ITGA6: variants seen among roughly 807,000 people sequenced by gnomAD.
ITGA6 encodes the protein integrin alpha-6.
In ITGA6, 63 loss-of-function variants were observed where a neutral mutation model predicts 133.6. The observed-to-expected ratio is 0.47, with a 90% CI of 0.38 to 0.58. The LOEUF (loss-of-function observed/expected upper bound fraction) is 0.58, where lower values mean the gene tolerates loss of function less well. Among genes scored for constraint, ITGA6 ranks in the 20% least tolerant of loss-of-function variants. ITGA6 has a pLI of 0.00. For missense variants in ITGA6, 1,068 were observed against 1,309.4 expected, an observed-to-expected ratio of 0.82 and a Z score of 2.85; for synonymous variants, 434 against 482.0, an observed-to-expected ratio of 0.90 and a Z score of 1.30.
At chr2:172,452,507 G>GGGAGT (rs1049177001) in intron 1 of ITGA6, among the ~76,000 whole-genome samples, 1 of 152,186 alleles carries the variant, frequency 6.6e-6, no homozygotes, top group African/African-American at 2.4e-5. Context: ...TGCACAGTGT[G>GGGAGT]GGAGTGCGAA....
intron 11 of ITGA6, 90 bp downstream of exon 11, chr2:172,480,141 G>A: frequency 1.3e-6 from 1 of 766,344 alleles, no homozygotes; most frequent in Non-Finnish European, 2.3e-6. Context: ...AACTGCAGTG[G>A]CCAACATGGG....
At chr2:172,428,620 G>C (rs966104202) in intron 1 of ITGA6, 1 of 151,610 alleles carries the variant, frequency 6.6e-6, no homozygotes, top group African/African-American at 2.4e-5. Flanking sequence ...GATCAGCTGA[G>C]AAAACAAGTC....
chr2:172,475,450 C>T (rs932312581), intron 7 of ITGA6, 147 bp from the exon 8 acceptor site: 43 of 666,794 alleles, frequency 6.4e-5, no homozygotes, highest in East Asian at 1.9e-4. Flanking sequence ...GCAACAGGAG[C>T]GAAACTCCAT....
rs78958499 is a variant in ITGA6, at chr2:172,459,832, C to T, written c.183-5707C>T. Among the ~76,000 whole-genome samples the T allele has an allele frequency of 6.0e-3, 906 of 152,234 alleles. 9 individuals are homozygous for T. Among genetic ancestry groups the T allele is most frequent in the African/African-American group, 0.02 (820 of 41,536 alleles). ...CCAGCATGATCCTGTGTAGCAGGCC[C>T]GGCAGAACATCAGGTCTACATTGCT... On this transcript the variant is annotated intron_variant, in intron 1 of 25. Transcript: ENST00000684293.
intron 13 of ITGA6, 26 bp downstream of exon 13, chr2:172,485,290 C>G: frequency 6.2e-7 from 1 of 1,611,462 alleles, no homozygotes; most frequent in Non-Finnish European, 8.5e-7. Flanking sequence ...TTTCATTTTG[C>G]CAAAGTTTTT....
At chr2:172,490,912 A>G (rs1686894388) in intron 20 of ITGA6, 112 bp from the exon 21 acceptor site, 4 of 741,316 alleles carry the variant, frequency 5.4e-6, no homozygotes, top group Non-Finnish European at 7.4e-6. Context: ...AGAGGCAAAT[A>G]TTGTTGATTA....
chr2:172,473,946 GGA>G, intron 5 of ITGA6, 107 bp from the exon 6 acceptor site: 1 of 707,554 alleles, frequency 1.4e-6, no homozygotes, highest in Non-Finnish European at 2.5e-6. Context: ...AGGGTCAAGA[GGA>G]GAGAGGGGTG....
chr2:172,458,712 T>C (rs1439538892), intron 1 of ITGA6, among the ~76,000 whole-genome samples: 1 of 152,082 alleles, frequency 6.6e-6, no homozygotes, highest in East Asian at 1.9e-4. Context: ...TTATCAGGCA[T>C]GTGATGAGAG....
At chr2:172,472,781 G>A in intron 5 of ITGA6, 2 of 1,610,078 alleles carry the variant, frequency 1.2e-6, no homozygotes, top group African/African-American at 2.7e-5. Flanking sequence ...CAGGCCTGCT[G>A]TTTTTGACCA....
chr2:172,473,232 A>G (rs923154694), intron 5 of ITGA6, among the ~76,000 whole-genome samples: 2 of 152,198 alleles, frequency 1.3e-5, no homozygotes, highest in African/African-American at 2.4e-5. Flanking sequence ...CTTAATTTGA[A>G]TGGTTTTGAT....
chr2:172,442,454 T>G (rs915418863), intron 1 of ITGA6, among the ~76,000 whole-genome samples: 3 of 152,202 alleles, frequency 2.0e-5, no homozygotes, highest in Non-Finnish European at 4.4e-5. Flanking sequence ...TGAGGAGTTC[T>G]TGTTGGATGT....
rs533638092 is a variant in ITGA6 at position 172,488,900 on chromosome 2, G to A, written c.2506-585G>A. Reference sequence around the variant, plus strand: ...TTATGATCTCTATGCAGGTGCAGCTGGAAAAGAAGTCTTTGGGTTCTGGAA... The same window carrying A: ...TTATGATCTCTATGCAGGTGCAGCTAGAAAAGAAGTCTTTGGGTTCTGGAA... On this transcript the variant is annotated intron_variant, in intron 19 of 25. Coordinates refer to ENST00000684293, the MANE Select transcript of ITGA6 (RefSeq NM_000210.4). Among the ~76,000 whole-genome samples, 22 of 152,262 alleles carry A rather than the reference G, an allele frequency of 1.4e-4. 1 individual carries two copies. In the South Asian group the frequency reaches 3.9e-3, roughly 27 times the overall value.
At chr2:172,464,639 C>G (rs1685571454) in intron 1 of ITGA6, 1 of 152,254 alleles carries the variant, frequency 6.6e-6, no homozygotes. Flanking sequence ...CTCTAAAGAG[C>G]CTGTCAAGCT....
intron 24 of ITGA6, 73 bp from the exon 25 acceptor site, chr2:172,501,699 A>C: frequency 6.6e-7 from 1 of 1,505,404 alleles, no homozygotes; most frequent in Non-Finnish European, 9.2e-7. Context: ...GCAGATTAAA[A>C]TTTGAGATGT....
At position 172,501,834 on chromosome 2, in the gene ITGA6, C is replaced by CCATGCT; in HGVS notation, c.3180_3185dup (p.His1060_Ala1061dup). 2 of 1,605,978 alleles carry CCATGCT rather than the reference C, an allele frequency of 1.2e-6. No individual in the cohort carries two copies. The highest frequency in any genetic ancestry group is 1.7e-6 in the Non-Finnish European group (2 of 1,173,194). ...ATGCCACATATCACAAGGCTGAGAT[C>CCATGCT]CATGCTCAGCCATCTGATAAAGAGA... On this transcript the variant is annotated inframe_insertion, in exon 25 of 26. Coordinates refer to ENST00000684293, the MANE Select transcript of ITGA6 (RefSeq NM_000210.4).
At chr2:172,496,833 G>A (rs1687146265) in intron 23 of ITGA6, among the ~76,000 whole-genome samples, 1 of 152,200 alleles carries the variant, frequency 6.6e-6, no homozygotes, top group Non-Finnish European at 1.5e-5. Flanking sequence ...TGAGTTGTTG[G>A]AATTGCCAGA....
At chr2:172,490,148 AT>A (rs1336293979) in intron 20 of ITGA6, among the ~76,000 whole-genome samples, 1 of 152,058 alleles carries the variant, frequency 6.6e-6, no homozygotes, top group Non-Finnish European at 1.5e-5. Flanking sequence ...TTTTGTTTTC[AT>A]TTTCTCATTT....
At chr2:172,474,291 G>A (rs1268078495) in intron 6 of ITGA6, 26 bp downstream of exon 6, 1 of 1,589,588 alleles carries the variant, frequency 6.3e-7, no homozygotes, top group East Asian at 2.2e-5. Context: ...GTTATATTAT[G>A]CTGCAAATCA....
At chr2:172,480,772 CT>C in intron 11 of ITGA6, 1 of 152,348 alleles carries the variant, frequency 6.6e-6, no homozygotes, top group Admixed American at 6.5e-5. Context: ...GTTCTGCTTC[CT>C]TTTTTTGTAA....
Sources: allele counts gnomAD v4.1 joint callset (sites outside exome capture counted in the v4.1 genomes callset), GRCh38; gene constraint gnomAD v4.1.1; transcripts MANE v1.5; gene names NCBI Gene and HGNC (gene_info 2026-07-23, HGNC 2026-07-21).